The following FRMD4A variants were observed in gnomAD, a reference collection of about 807,000 sequenced individuals.
FRMD4A encodes FERM domain containing 4A, also known as FERM domain-containing protein 4A.
In FRMD4A, 29 loss-of-function variants were observed where a neutral mutation model predicts 129.1. The ratio of observed to expected loss-of-function variants is 0.22; its 90% CI spans 0.17 to 0.31. The LOEUF (loss-of-function observed/expected upper bound fraction) is 0.31. Ranked by LOEUF, FRMD4A falls within the 10% of genes least tolerant of loss-of-function variation. The pLI, the probability that FRMD4A is intolerant of heterozygous loss-of-function variation, is 1.00. For missense variants in FRMD4A, 1,272 were observed against 1,375.8 expected (o/e 0.92, Z 1.19); for synonymous variants, 634 against 571.6 (o/e 1.11, Z -1.56).
chr10:14,228,649 G>A (rs998915111), intron 2 of FRMD4A, among the ~76,000 whole-genome samples: 6 of 152,122 alleles, frequency 3.9e-5, no homozygotes, highest in Admixed American at 3.3e-4. Context: ...GTGAAACAAC[G>A]AATTTGAGTC....
chr10:13,803,898 A>T (rs932753839), intron 4 of FRMD4A, among the ~76,000 whole-genome samples: 2 of 151,908 alleles, frequency 1.3e-5, no homozygotes, highest in Admixed American at 1.3e-4. Context: ...TTAAGAATTC[A>T]CTCCGCTCAC....
At chr10:14,004,857 C>T (rs2095656130) in intron 2 of FRMD4A, among the ~76,000 whole-genome samples, 1 of 152,180 alleles carries the variant, frequency 6.6e-6, no homozygotes, top group African/African-American at 2.4e-5. Flanking sequence ...CTTGTCACCC[C>T]ACCCTGCTGC....
intron 23 of FRMD4A, 182 bp from the exon 24 acceptor site, chr10:13,652,156 A>C (rs764131621): frequency 1.3e-5 from 8 of 611,718 alleles, no homozygotes; most frequent in Non-Finnish European, 2.4e-5. Flanking sequence ...ATTGAGTCAA[A>C]ATACCTAGTT....
intron 2 of FRMD4A, among the ~76,000 whole-genome samples, chr10:14,057,266 C>T (rs1834578997): frequency 6.6e-6 from 1 of 152,194 alleles, no homozygotes; most frequent in Non-Finnish European, 1.5e-5. Context: ...TACTCAAATT[C>T]CAATAAATAC....
chr10:14,114,806 C>A (rs1314748897), intron 2 of FRMD4A, among the ~76,000 whole-genome samples: 1 of 152,160 alleles, frequency 6.6e-6, no homozygotes, highest in Non-Finnish European at 1.5e-5. Context: ...TCCTGCAGAT[C>A]CGCTGGTAGG....
At chr10:14,051,529 T>C (rs896794748) in intron 2 of FRMD4A, among the ~76,000 whole-genome samples, 14 of 152,132 alleles carry the variant, frequency 9.2e-5, no homozygotes, top group African/African-American at 3.1e-4. Flanking sequence ...TGGTGCCCAC[T>C]TGGATTGCAG....
chr10:13,666,021 C>T, intron 18 of FRMD4A, 76 bp downstream of exon 18: 1 of 821,564 alleles, frequency 1.2e-6, no homozygotes. Context: ...GTGCAGGGAC[C>T]ACTCGTGGGA....
In FRMD4A at chr10:13,757,375, T is replaced by A. The variant is rs574746184; in HGVS notation, c.464+4272A>T. Among the ~76,000 whole-genome samples the A allele has an allele frequency of 4.6e-5, 7 of 152,370 alleles. No individual in the cohort carries two copies. In the South Asian group the frequency reaches 1.2e-3, roughly 27 times the overall value. On this transcript the variant is annotated intron_variant, in intron 8 of 24. Transcript: ENST00000357447. ...AAAAAATGTTATTTTTAGATAAGAC[T>A]ATTTCCTAAACCTTTAGAAGTATCG...
chr10:13,670,203 C>T (rs2083402218), intron 17 of FRMD4A, among the ~76,000 whole-genome samples: 1 of 152,132 alleles, frequency 6.6e-6, no homozygotes, highest in African/African-American at 2.4e-5. Flanking sequence ...CGACAGACAC[C>T]CAAATGCCTG....
chr10:14,315,963 T>C (rs1846723765), intron 2 of FRMD4A, among the ~76,000 whole-genome samples: 1 of 152,252 alleles, frequency 6.6e-6, no homozygotes, highest in South Asian at 2.1e-4. Flanking sequence ...GTCCACATAC[T>C]GATCTCCAAT....
chr10:14,071,103 CCTT>C (rs1327332679), intron 2 of FRMD4A, among the ~76,000 whole-genome samples: 1 of 152,204 alleles, frequency 6.6e-6, no homozygotes, highest in Non-Finnish European at 1.5e-5. Flanking sequence ...GGACACGAGT[CCTT>C]CTTACTTTCT....
At chr10:14,266,196 G>A (rs1844972863) in intron 2 of FRMD4A, among the ~76,000 whole-genome samples, 1 of 152,002 alleles carries the variant, frequency 6.6e-6, no homozygotes, top group Non-Finnish European at 1.5e-5. Context: ...TGCATTGTAG[G>A]ATGTTAAGCA....
chr10:14,054,235 C>A (rs1039196183), intron 2 of FRMD4A, among the ~76,000 whole-genome samples: 1 of 152,172 alleles, frequency 6.6e-6, no homozygotes, highest in Admixed American at 6.5e-5. Flanking sequence ...CTGAAACAAA[C>A]CACCCTGGTT....
chr10:14,065,710 A>G (rs1835023470), intron 2 of FRMD4A, among the ~76,000 whole-genome samples: 1 of 152,194 alleles, frequency 6.6e-6, no homozygotes, highest in African/African-American at 2.4e-5. Flanking sequence ...CCAAAATTAA[A>G]TAAACCGTGG....
At chr10:14,034,086 T>C (rs1006016865) in intron 2 of FRMD4A, among the ~76,000 whole-genome samples, 4 of 152,204 alleles carry the variant, frequency 2.6e-5, no homozygotes, top group African/African-American at 9.6e-5. Context: ...CATTCCCCAA[T>C]AGCAAGAGCT....
In FRMD4A at chr10:13,646,322, TTTTA is replaced by T. The variant is rs758091654; in HGVS notation, c.*712_*715del. On this transcript the variant is annotated 3_prime_UTR_variant, in exon 25 of 25. Transcript: ENST00000357447. ...CTTGGCCCCTCTTAATTTTTTATGT[TTTTA>T]TTTATTTTTAATCTTTGGCAGCATA... 7.9e-5 allele frequency: 12 copies of T among 152,604 alleles called. No homozygotes were observed. Among genetic ancestry groups the T allele is most frequent in the African/African-American group, 2.2e-4 (9 of 41,438 alleles). The allele number at this position is 152,604 out of a possible 1,614,324, so 9.5% of individuals were successfully genotyped here.
chr10:14,321,316 T>A (rs1843039035), intron 2 of FRMD4A, among the ~76,000 whole-genome samples: 1 of 151,052 alleles, frequency 6.6e-6, no homozygotes, highest in Non-Finnish European at 1.5e-5. Context: ...AAGTAAAATT[T>A]TACATATATA....
intron 15 of FRMD4A, chr10:13,684,547 C>T (rs1335353592): frequency 1.0e-6 from 1 of 985,384 alleles, no homozygotes; most frequent in African/African-American, 1.7e-5. Flanking sequence ...GGCCGGCAGA[C>T]ACATGGAAGG....
chr10:13,694,984 C>T (rs987377814), intron 14 of FRMD4A, among the ~76,000 whole-genome samples: 4 of 152,090 alleles, frequency 2.6e-5, no homozygotes, highest in African/African-American at 4.8e-5. Flanking sequence ...ATTTTGATAC[C>T]TAAGTACATG....
Sources: gnomAD v4.1 joint callset for allele counts (sites outside exome capture counted in the v4.1 genomes callset) on GRCh38, gnomAD v4.1.1 for gene constraint, MANE v1.5 for transcripts, NCBI Gene and HGNC (gene_info 2026-07-23, HGNC 2026-07-21) for gene names.